Variants in CTNNA3 observed in about 807,000 individuals in gnomAD.
CTNNA3 encodes the protein catenin alpha 3.
A neutral mutation model predicts 95.7 loss-of-function variants in CTNNA3; 76 were observed. The observed-to-expected ratio is 0.79, with a 90% CI of 0.66 to 0.96. CTNNA3 has a LOEUF of 0.96. CTNNA3 is among the 40% of genes least tolerant of loss of function. The pLI is 0.00. For missense variants in CTNNA3, 1,191 were observed against 1,089.8 expected, an observed-to-expected ratio of 1.09 and a Z score of -1.31; for synonymous variants, 431 against 374.4, an observed-to-expected ratio of 1.15 and a Z score of -1.74.
rs555388757 is a variant in CTNNA3, at chr10:66,886,274, T to C, written c.1048-110750A>G. ...TAAGCTCAACAGACCTGGTCTCTTA[T>C]TGCGAGAAACCCATTTGTGACCTCA... On this transcript the variant is annotated intron_variant, in intron 7 of 17. Transcript: ENST00000433211. 6.1e-4 allele frequency among the ~76,000 whole-genome samples: 93 copies of C among 152,250 alleles called. 1 individual carries two copies. The highest frequency in any genetic ancestry group is 2.0e-3 in the African/African-American group (84 of 41,556).
chr10:67,336,024 T>G (rs937488972), intron 5 of CTNNA3, among the ~76,000 whole-genome samples: 1 of 152,164 alleles, frequency 6.6e-6, no homozygotes, highest in African/African-American at 2.4e-5. Context: ...TTCATTATTA[T>G]TATATCTGTT....
intron 17 of CTNNA3, among the ~76,000 whole-genome samples, chr10:65,943,340 G>C (rs973497482): frequency 6.6e-6 from 1 of 152,036 alleles, no homozygotes; most frequent in African/African-American, 2.4e-5. Flanking sequence ...TAGTTATGTC[G>C]TTTTTAATAT....
chr10:66,836,546 C>T (rs1031801462), intron 7 of CTNNA3, among the ~76,000 whole-genome samples: 4 of 152,006 alleles, frequency 2.6e-5, no homozygotes, highest in Non-Finnish European at 5.9e-5. Context: ...AAGTAAATGG[C>T]AAAATATAAA....
chr10:67,506,223 C>A (rs1395771205), intron 5 of CTNNA3, among the ~76,000 whole-genome samples: 1 of 152,160 alleles, frequency 6.6e-6, no homozygotes, highest in East Asian at 1.9e-4. Flanking sequence ...CATACACATA[C>A]TCTTCTAAAT....
At chr10:67,242,343 C>A (rs111790562) in intron 5 of CTNNA3, among the ~76,000 whole-genome samples, 1 of 152,176 alleles carries the variant, frequency 6.6e-6, no homozygotes, top group Non-Finnish European at 1.5e-5. Flanking sequence ...AGGAAACATT[C>A]TAAATATGGC....
chr10:67,741,240 C>T (rs1841336104), intron 1 of CTNNA3, among the ~76,000 whole-genome samples: 1 of 148,630 alleles, frequency 6.7e-6, no homozygotes, highest in African/African-American at 2.5e-5. Flanking sequence ...AGCGCACCAG[C>T]ATGGCACATG....
intron 7 of CTNNA3, among the ~76,000 whole-genome samples, chr10:66,800,516 T>C (rs886118740): frequency 6.6e-6 from 1 of 151,126 alleles, no homozygotes; most frequent in African/African-American, 2.4e-5. Flanking sequence ...TTGAGACACT[T>C]ATCTATGAAA....
intron 11 of CTNNA3, among the ~76,000 whole-genome samples, chr10:66,434,340 C>T (rs12245358): frequency 0.38 from 58,077 of 151,722 alleles, 11,660 homozygotes; most frequent in African/African-American, 0.5. Context: ...TTTGTAGTTC[C>T]CCTTGAAGAG....
At chr10:66,484,547 C>G (rs1230454468) in intron 11 of CTNNA3, among the ~76,000 whole-genome samples, 1 of 151,874 alleles carries the variant, frequency 6.6e-6, no homozygotes, top group Non-Finnish European at 1.5e-5. Flanking sequence ...AAGTATAAAA[C>G]AGAGAAAGAT....
At chr10:67,116,576 T>C (rs1859199606) in intron 7 of CTNNA3, among the ~76,000 whole-genome samples, 1 of 151,720 alleles carries the variant, frequency 6.6e-6, no homozygotes, top group South Asian at 2.1e-4. Flanking sequence ...TTGGTTGAAT[T>C]TGAGAGTCTG....
chr10:67,181,018 G>A (rs1862514073), intron 6 of CTNNA3, among the ~76,000 whole-genome samples: 1 of 152,150 alleles, frequency 6.6e-6, no homozygotes, highest in South Asian at 2.1e-4. Context: ...ACACATTTCA[G>A]CTGATGATGA....
chr10:66,457,950 G>A (rs1232950186), intron 11 of CTNNA3, among the ~76,000 whole-genome samples: 3 of 152,104 alleles, frequency 2.0e-5, no homozygotes, highest in Non-Finnish European at 4.4e-5. Context: ...GATAGGTAGA[G>A]GGGGTAGGCT....
chr10:66,615,643 G>C (rs181399679), intron 10 of CTNNA3, among the ~76,000 whole-genome samples: 20 of 151,766 alleles, frequency 1.3e-4, no homozygotes, highest in African/African-American at 4.6e-4. Flanking sequence ...TAAATATAAA[G>C]TAGTAAATAT....
chr10:66,640,352 G>A (rs1010586079), intron 9 of CTNNA3, among the ~76,000 whole-genome samples: 5 of 152,100 alleles, frequency 3.3e-5, no homozygotes, highest in South Asian at 4.2e-4. Context: ...CTCTTCCCAG[G>A]GGAAGCTCAC....
intron 5 of CTNNA3, among the ~76,000 whole-genome samples, chr10:67,241,775 C>T (rs1254671269): frequency 6.6e-6 from 1 of 152,172 alleles, no homozygotes. Context: ...AAGCGGTATC[C>T]CTTGTTGTCA....
At chr10:66,560,449 T>G (rs1589423852) in intron 10 of CTNNA3, among the ~76,000 whole-genome samples, 1 of 152,024 alleles carries the variant, frequency 6.6e-6, no homozygotes, top group Admixed American at 6.6e-5. Flanking sequence ...GTAAGAAAAT[T>G]TGTCTCTGTA....
chr10:67,070,092 G>A (rs573910465), intron 7 of CTNNA3, among the ~76,000 whole-genome samples: 17 of 152,090 alleles, frequency 1.1e-4, no homozygotes, highest in Non-Finnish European at 2.2e-4. Flanking sequence ...AGTCATTCTC[G>A]TCAGTGTGTA....
At chr10:66,890,653 G>T (rs1845232920) in intron 7 of CTNNA3, among the ~76,000 whole-genome samples, 1 of 152,142 alleles carries the variant, frequency 6.6e-6, no homozygotes, top group African/African-American at 2.4e-5. Flanking sequence ...AGCATTGATG[G>T]ATACCGACAA....
intron 9 of CTNNA3, among the ~76,000 whole-genome samples, chr10:66,712,736 T>C (rs960442118): frequency 1.3e-5 from 2 of 152,118 alleles, no homozygotes; most frequent in African/African-American, 4.8e-5. Context: ...TGCTGAAAAT[T>C]GAGCAACACT....
Sources: allele counts gnomAD v4.1 joint callset (sites outside exome capture counted in the v4.1 genomes callset), GRCh38; gene constraint gnomAD v4.1.1; transcripts MANE v1.5; gene names NCBI Gene and HGNC (gene_info 2026-07-23, HGNC 2026-07-21).